Variants in GRK5 observed in about 807,000 individuals in gnomAD.
GRK5 encodes g protein-coupled receptor kinase GRK5.
Under a neutral mutation model 78.4 loss-of-function variants are expected in GRK5, and 40 were observed. The observed-to-expected ratio is 0.51, with a 90% CI of 0.40 to 0.66. The LOEUF (loss-of-function observed/expected upper bound fraction) is 0.66. GRK5 is among the 30% of genes least tolerant of loss of function. The probability of loss-of-function intolerance (pLI) is 0.00; values close to 1 mark genes in which losing one functional copy is unlikely to be tolerated. For synonymous variants in GRK5, 289 were observed against 296.8 expected (o/e 0.97, Z 0.27); for missense variants, 598 against 759.9 (o/e 0.79, Z 2.50).
At chr10:119,261,638 T>G (rs538028951) in intron 1 of GRK5, among the ~76,000 whole-genome samples, 22 of 152,382 alleles carry the variant, frequency 1.4e-4, no homozygotes, top group Middle Eastern at 3.4e-3. Context: ...AGACTCTGTC[T>G]GCAATCCCGG....
At chr10:119,308,417 A>G (rs1163691743) in intron 1 of GRK5, among the ~76,000 whole-genome samples, 1 of 152,204 alleles carries the variant, frequency 6.6e-6, no homozygotes, top group Admixed American at 6.5e-5. Context: ...GCTTCGGTAC[A>G]GTCATCTGTA....
intron 1 of GRK5, among the ~76,000 whole-genome samples, chr10:119,281,353 CT>C (rs1193081673): frequency 6.6e-6 from 1 of 152,116 alleles, no homozygotes; most frequent in Non-Finnish European, 1.5e-5. Flanking sequence ...AGGGACCCCC[CT>C]AACCCTACTT....
At chr10:119,375,601 G>C (rs988389297) in intron 2 of GRK5, among the ~76,000 whole-genome samples, 1 of 152,218 alleles carries the variant, frequency 6.6e-6, no homozygotes, top group Admixed American at 6.5e-5. Flanking sequence ...TGAGCAAACT[G>C]CTAAGGACAA....
At chr10:119,450,158 C>T (rs1163196247) in intron 13 of GRK5, among the ~76,000 whole-genome samples, 3 of 152,148 alleles carry the variant, frequency 2.0e-5, no homozygotes, top group African/African-American at 4.8e-5. Flanking sequence ...ATGAACATCA[C>T]GGTTGTGCCA....
At chr10:119,220,870 C>T (rs2133709021) in intron 1 of GRK5, among the ~76,000 whole-genome samples, 1 of 131,134 alleles carries the variant, frequency 7.6e-6, no homozygotes. Context: ...AAAGAAAGTC[C>T]AGGCCAGAAG....
chr10:119,372,150 G>A (rs1851557341), intron 2 of GRK5, among the ~76,000 whole-genome samples: 2 of 152,184 alleles, frequency 1.3e-5, no homozygotes, highest in Admixed American at 6.5e-5. Context: ...AAACCTCTGA[G>A]CTAGGGGATG....
chr10:119,327,483 C>G (rs913745404), intron 2 of GRK5, among the ~76,000 whole-genome samples: 2 of 152,192 alleles, frequency 1.3e-5, no homozygotes, highest in African/African-American at 4.8e-5. Flanking sequence ...TAAGAAGACT[C>G]AAGTCCACTG....
chr10:119,307,132 T>C (rs1005908622), intron 1 of GRK5, among the ~76,000 whole-genome samples: 1 of 152,106 alleles, frequency 6.6e-6, no homozygotes, highest in Non-Finnish European at 1.5e-5. Flanking sequence ...CATCAGCTCA[T>C]TGATGCCTAT....
chr10:119,397,745 T>C (rs1852080511), intron 4 of GRK5, among the ~76,000 whole-genome samples: 1 of 152,246 alleles, frequency 6.6e-6, no homozygotes, highest in Non-Finnish European at 1.5e-5. Context: ...GTAGCCCTCG[T>C]TCTTCTCCAG....
At chr10:119,382,985 G>C (rs971477528) in intron 3 of GRK5, among the ~76,000 whole-genome samples, 1 of 151,834 alleles carries the variant, frequency 6.6e-6, no homozygotes, top group Admixed American at 6.6e-5. Context: ...ACAGTGGTGC[G>C]ATCTCAGCAG....
chr10:119,327,333 G>T (rs1291071318), intron 2 of GRK5, among the ~76,000 whole-genome samples: 1 of 152,230 alleles, frequency 6.6e-6, no homozygotes, highest in African/African-American at 2.4e-5. Context: ...GGACAGGCAT[G>T]ATGTGAGGCC....
At chr10:119,396,466 A>G (rs535691476) in intron 3 of GRK5, among the ~76,000 whole-genome samples, 3 of 152,316 alleles carry the variant, frequency 2.0e-5, no homozygotes, top group Non-Finnish European at 4.4e-5. Flanking sequence ...TGCAGTCTGC[A>G]TGGAGCACCG....
At chr10:119,449,315 G>A (rs578218969) in intron 13 of GRK5, among the ~76,000 whole-genome samples, 34 of 152,302 alleles carry the variant, frequency 2.2e-4, no homozygotes, top group Admixed American at 9.1e-4. Flanking sequence ...GGTGGGGACC[G>A]TCCTTGGAAC....
rs1434264813 is a variant in GRK5, at chr10:119,412,579, G to T, written c.340-10587G>T. On this transcript the variant is annotated intron_variant, in intron 4 of 15. Coordinates refer to ENST00000392870, the MANE Select transcript of GRK5 (RefSeq NM_005308.3). This position sits in a 1 kb window ranked among gnomAD's most constrained non-coding sequence, Gnocchi z 4.3. ...CTGGGGCTTGTGGATCACGTCTCCT[G>T]CCTGGCCATGGACAGAGAAAGGAAC... Among the ~76,000 whole-genome samples the T allele has an allele frequency of 2.6e-5, 4 of 152,186 alleles. No homozygotes were observed. The highest frequency in any genetic ancestry group is 6.5e-5 in the Admixed American group (1 of 15,282).
intron 1 of GRK5, among the ~76,000 whole-genome samples, chr10:119,296,219 G>A (rs557858411): frequency 1.1e-3 from 174 of 152,302 alleles, no homozygotes; most frequent in East Asian, 2.1e-3. Context: ...AGTTCCAGGC[G>A]TCACGTCTAG....
intron 1 of GRK5, 74 bp from the exon 2 acceptor site, chr10:119,326,442 G>A: frequency 1.6e-6 from 2 of 1,226,882 alleles, no homozygotes; most frequent in South Asian, 2.4e-5. Flanking sequence ...CCAGGAGGCT[G>A]GTGGGCAGGC....
In GRK5 at chr10:119,410,205, C is replaced by T. The variant is rs112874737; in HGVS notation, c.340-12961C>T. On this transcript the variant is annotated intron_variant, in intron 4 of 15. Coordinates refer to ENST00000392870, the MANE Select transcript of GRK5 (RefSeq NM_005308.3). The stretch of plus-strand genomic sequence containing the variant: ...GTTAATTATCGTCTTTTGCTTTTGA[C>T]GTAAAGGGTCGGGGTCTGGGTCAGG... Among the ~76,000 whole-genome samples the T allele has an allele frequency of 1.0e-3, 158 of 152,328 alleles. 1 individual carries two copies. Among genetic ancestry groups the T allele is most frequent in the African/African-American group, 3.4e-3 (142 of 41,568 alleles).
In GRK5 at chr10:119,207,922, A is replaced by G; in HGVS notation, c.5A>G (p.Glu2Gly). 1 of 1,602,938 alleles carries G rather than the reference A, an allele frequency of 6.2e-7. No individual in the cohort carries two copies. Among genetic ancestry groups the G allele is most frequent in the Non-Finnish European group, 8.5e-7 (1 of 1,175,858 alleles). Reference sequence around the variant, plus strand: ...GTTGCTGACCGCCGACTGTCAATGGAGCTGGAAAACATCGTGGCCAACACG... The same window carrying G: ...GTTGCTGACCGCCGACTGTCAATGGGGCTGGAAAACATCGTGGCCAACACG... Reference protein sequence around the residue: MELENIVANTVL... With the variant: MGLENIVANTVL... Residue 2 changes from glutamate to glycine, a missense_variant, in exon 1 of 16, where the codon GAG becomes GGG. Transcript: ENST00000392870.
At chr10:119,400,198 A>AT (rs1265866859) in intron 4 of GRK5, among the ~76,000 whole-genome samples, 1 of 152,224 alleles carries the variant, frequency 6.6e-6, no homozygotes, top group Non-Finnish European at 1.5e-5. Flanking sequence ...GGGCCAACAC[A>AT]TAAGCAGATT....
Sources: allele counts gnomAD v4.1 joint callset (sites outside exome capture counted in the v4.1 genomes callset), GRCh38; gene constraint gnomAD v4.1.1; non-coding constraint Gnocchi (gnomAD v3.1); transcripts MANE v1.5; gene names NCBI Gene and HGNC (gene_info 2026-07-23, HGNC 2026-07-21).